The following SDK1 variants were observed in gnomAD, a reference collection of about 807,000 sequenced individuals.
SDK1 encodes the protein protein sidekick-1.
SDK1 carries 157 observed loss-of-function variants against 245.5 expected under a neutral mutation model. The ratio of observed to expected loss-of-function variants is 0.64; its 90% CI spans 0.56 to 0.73. SDK1 has a LOEUF of 0.73. Among genes scored for constraint, SDK1 ranks in the 30% least tolerant of loss-of-function variants. The pLI is 0.00. For synonymous variants in SDK1, 1,647 were observed against 1,278.5 expected, an observed-to-expected ratio of 1.29 and a Z score of -6.15; for missense variants, 3,583 against 3,002.3, an observed-to-expected ratio of 1.19 and a Z score of -4.52.
At chr7:4,118,175 A>G (rs1452221885) in intron 25 of SDK1, among the ~76,000 whole-genome samples, 1 of 152,238 alleles carries the variant, frequency 6.6e-6, no homozygotes, top group Non-Finnish European at 1.5e-5. Flanking sequence ...AAATATTTGC[A>G]AATTATGTAT....
chr7:3,825,024 A>G (rs1779736355), intron 5 of SDK1, among the ~76,000 whole-genome samples: 1 of 152,118 alleles, frequency 6.6e-6, no homozygotes. Flanking sequence ...GGGTGGATCC[A>G]CTTTGAAGTT....
At chr7:3,335,557 G>A (rs1272124275) in intron 1 of SDK1, among the ~76,000 whole-genome samples, 1 of 152,098 alleles carries the variant, frequency 6.6e-6, no homozygotes, top group Non-Finnish European at 1.5e-5. Context: ...TGGGGACAGG[G>A]AAATTATTCT....
chr7:4,063,683 G>T (rs912643446), intron 19 of SDK1, among the ~76,000 whole-genome samples: 1 of 150,440 alleles, frequency 6.6e-6, no homozygotes, highest in Non-Finnish European at 1.5e-5. Flanking sequence ...CAAAAATAAC[G>T]AAACTGGAGG....
chr7:4,052,552 A>C (rs903978870), intron 19 of SDK1, among the ~76,000 whole-genome samples: 8 of 152,216 alleles, frequency 5.3e-5, no homozygotes, highest in Non-Finnish European at 1.2e-4. Context: ...TTGTGCGCAA[A>C]AATGGTCATG....
rs533391442 is a variant in SDK1, at chr7:3,537,557, G to T, written c.299-81523G>T. 2.0e-5 allele frequency among the ~76,000 whole-genome samples: 3 copies of T among 152,146 alleles called. No individual in the cohort carries two copies. The East Asian group carries it at 5.8e-4, about 29-fold the overall frequency. On this transcript the variant is annotated intron_variant, in intron 1 of 44. Coordinates refer to ENST00000404826, the MANE Select transcript of SDK1 (RefSeq NM_152744.4). ...TCCATTGTGGCACCATGACTCTTTG[G>T]GGTTGAAAAGAATAACAAACTGCAA...
intron 5 of SDK1, among the ~76,000 whole-genome samples, chr7:3,861,485 C>G (rs1780690943): frequency 6.6e-6 from 1 of 152,002 alleles, no homozygotes; most frequent in South Asian, 2.1e-4. Flanking sequence ...GAACAGTTTC[C>G]ACTGACCCCC....
intron 1 of SDK1, among the ~76,000 whole-genome samples, chr7:3,446,622 AC>A (rs1211958577): frequency 6.6e-6 from 1 of 152,156 alleles, no homozygotes; most frequent in Non-Finnish European, 1.5e-5. Flanking sequence ...TCATTTTCTC[AC>A]CGTGCATTAT....
At chr7:3,476,807 G>A (rs955968777) in intron 1 of SDK1, among the ~76,000 whole-genome samples, 1 of 152,170 alleles carries the variant, frequency 6.6e-6, no homozygotes, top group African/African-American at 2.4e-5. Context: ...CAGCAAGGTG[G>A]CTGACTGGGA....
intron 30 of SDK1, among the ~76,000 whole-genome samples, chr7:4,152,215 T>A (rs1780431817): frequency 6.6e-6 from 1 of 152,076 alleles, no homozygotes. Flanking sequence ...GTCCGCCAGG[T>A]TCCTGCCAGC....
intron 1 of SDK1, among the ~76,000 whole-genome samples, chr7:3,485,355 C>G (rs923342134): frequency 5.9e-5 from 9 of 152,016 alleles, no homozygotes; most frequent in African/African-American, 9.7e-5. Context: ...AGATTATTTG[C>G]TTATTTGCGA....
At chr7:3,977,587 G>A (rs889602032) in intron 13 of SDK1, among the ~76,000 whole-genome samples, 7 of 152,242 alleles carry the variant, frequency 4.6e-5, no homozygotes, top group South Asian at 2.1e-4. Context: ...GGGCTTCCCC[G>A]GAGGTCTCCT....
rs1780542915 is a variant in SDK1, at chr7:3,347,566, T to C, written c.298+45682T>C. Among the ~76,000 whole-genome samples, 3 of 152,198 alleles carry C rather than the reference T, an allele frequency of 2.0e-5. No individual in the cohort carries two copies. In the South Asian group the frequency reaches 6.2e-4, roughly 31 times the overall value. On this transcript the variant is annotated intron_variant, in intron 1 of 44. Transcript: ENST00000404826. ...TCCTAGATATTTTCAACCTCCCTGTTTCATTTCTGACCAATTTTTAGGGCC... is the reference window on the plus strand; with the variant it reads ...TCCTAGATATTTTCAACCTCCCTGTCTCATTTCTGACCAATTTTTAGGGCC...
intron 1 of SDK1, among the ~76,000 whole-genome samples, chr7:3,567,506 C>G (rs903918428): frequency 6.6e-6 from 1 of 152,182 alleles, no homozygotes; most frequent in Non-Finnish European, 1.5e-5. Context: ...AATTCTTGTC[C>G]TGGTGCTAGA....
chr7:3,946,565 C>T (rs1780587371), intron 5 of SDK1, among the ~76,000 whole-genome samples: 1 of 152,134 alleles, frequency 6.6e-6, no homozygotes, highest in Non-Finnish European at 1.5e-5. Flanking sequence ...GAGCCACTCA[C>T]CTTGGCCTCC....
intron 1 of SDK1, among the ~76,000 whole-genome samples, chr7:3,455,637 G>A (rs544038504): frequency 6.6e-6 from 1 of 151,974 alleles, no homozygotes; most frequent in Non-Finnish European, 1.5e-5. Flanking sequence ...CCATTGATCT[G>A]TGTGACTCTT....
At position 3,401,845 on chromosome 7, in the gene SDK1, T is replaced by C. The variant is rs144740285; in HGVS notation, c.298+99961T>C. ...TGAGCACAAATGGCATTTGTATAAA[T>C]GCCTAGTTATTAAATGTTATCACTA... On this transcript the variant is annotated intron_variant, in intron 1 of 44. Transcript: ENST00000404826. Among the ~76,000 whole-genome samples, 33 of 152,304 alleles carry C rather than the reference T, an allele frequency of 2.2e-4. No individual in the cohort carries two copies. The East Asian group carries it at 5.2e-3, about 24-fold the overall frequency.
chr7:3,444,483 A>C (rs924229438), intron 1 of SDK1, among the ~76,000 whole-genome samples: 3 of 152,194 alleles, frequency 2.0e-5, no homozygotes, highest in African/African-American at 7.2e-5. Flanking sequence ...AGTAGCAGGT[A>C]GTACTAAAAA....
At chr7:3,732,957 T>C (rs1779220983) in intron 4 of SDK1, among the ~76,000 whole-genome samples, 1 of 152,308 alleles carries the variant, frequency 6.6e-6, no homozygotes, top group South Asian at 2.1e-4. Flanking sequence ...GCAACCTAGT[T>C]TATAGCAAGT....
chr7:3,826,437 T>C (rs1286737494), intron 5 of SDK1, among the ~76,000 whole-genome samples: 1 of 152,200 alleles, frequency 6.6e-6, no homozygotes, highest in African/African-American at 2.4e-5. Context: ...CAGATAATTG[T>C]TTCTTCTTGG....
Sources: gnomAD v4.1 joint callset for allele counts (sites outside exome capture counted in the v4.1 genomes callset) on GRCh38, gnomAD v4.1.1 for gene constraint, MANE v1.5 for transcripts, NCBI Gene and HGNC (gene_info 2026-07-23, HGNC 2026-07-21) for gene names.